ILDR2: variants seen among roughly 807,000 people sequenced by gnomAD.
The protein encoded by ILDR2 is immunoglobulin-like domain-containing receptor 2.
Under a neutral mutation model 66.8 loss-of-function variants are expected in ILDR2, and 25 were observed. The observed-to-expected ratio is 0.37, with a 90% confidence interval of 0.27 to 0.52. The LOEUF is 0.52. Ranked by LOEUF, ILDR2 falls within the 20% of genes least tolerant of loss-of-function variation. The probability of loss-of-function intolerance (pLI) is 0.88; values close to 1 mark genes in which losing one functional copy is unlikely to be tolerated. For synonymous variants in ILDR2, 367 were observed against 357.2 expected (o/e 1.03, Z -0.31); for missense variants, 827 against 876.8 (o/e 0.94, Z 0.72).
At chr1:166,968,370 C>A (rs938409600) in intron 1 of ILDR2, among the ~76,000 whole-genome samples, 2 of 152,110 alleles carry the variant, frequency 1.3e-5, no homozygotes, top group African/African-American at 4.8e-5. Context: ...CCTCTAGAAG[C>A]TTCTTCCTGT....
At chr1:166,958,400 G>T (rs531476986) in intron 1 of ILDR2, among the ~76,000 whole-genome samples, 2 of 152,072 alleles carry the variant, frequency 1.3e-5, no homozygotes, top group Non-Finnish European at 2.9e-5. Context: ...TAGGGAGTGA[G>T]TTCTCACGAG....
intron 6 of ILDR2, among the ~76,000 whole-genome samples, chr1:166,934,541 C>A (rs1660829608): frequency 6.6e-6 from 1 of 152,204 alleles, no homozygotes; most frequent in Non-Finnish European, 1.5e-5. Context: ...ATGGTGCCAC[C>A]TCTGCCCTCA....
At position 166,911,701 on chromosome 1, in the gene ILDR2, T is replaced by A. The variant is rs1219905321; in HGVS notation, c.*7654A>T. ...AAGTCACAAGACAACAGGGACTATG[T>A]AAATTTGAAAAAGAACTAAACTCCT... On this transcript the variant is annotated 3_prime_UTR_variant, in exon 10 of 10. Transcript: ENST00000271417. The A allele has an allele frequency of 7.3e-5, 11 of 149,672 alleles. No individual in the cohort carries two copies. Among genetic ancestry groups the A allele is most frequent in the African/African-American group, 2.7e-4 (11 of 40,964 alleles). 9.3% of individuals were successfully genotyped at this position (149,672 alleles called of 1,614,324 possible).
At chr1:166,920,673 C>T in intron 9 of ILDR2, 34 bp downstream of exon 9, 2 of 1,350,956 alleles carry the variant, frequency 1.5e-6, no homozygotes, top group Non-Finnish European at 1.9e-6. Context: ...CCCGCTCAGT[C>T]CCCTCGGAGG....
Position 166,957,930 on chromosome 1 carries a change from G to T in ILDR2, c.218C>A (p.Ser73Tyr). ...QDRMGESLGMSSTRAQSLSKR... is the reference protein window; with the variant it reads ...QDRMGESLGMYSTRAQSLSKR... ...GCTGAGAGATTGGGCCCGGGTAGAG[G>T]ACATGCCCAAGGATTCTCCCATGCG... is the stretch of plus-strand genomic sequence containing the variant. Residue 73 changes from serine to tyrosine, a missense_variant, in exon 2 of 10, where the codon TCC (serine) becomes TAC (tyrosine). Coordinates refer to ENST00000271417, the MANE Select transcript of ILDR2 (RefSeq NM_199351.3). 1.9e-6 allele frequency: 3 copies of T among 1,614,134 alleles called. No individual in the cohort carries two copies. The highest frequency in any genetic ancestry group is 2.5e-6 in the Non-Finnish European group (3 of 1,180,026).
chr1:166,900,096 C>G (rs1411375708), intron 2 of ILDR2, among the ~76,000 whole-genome samples: 1 of 152,184 alleles, frequency 6.6e-6, no homozygotes, highest in African/African-American at 2.4e-5. Context: ...GTTCCACACT[C>G]AGGTCAGCCT....
At chr1:166,937,946 A>G (rs1017621375) in intron 4 of ILDR2, among the ~76,000 whole-genome samples, 2 of 152,254 alleles carry the variant, frequency 1.3e-5, no homozygotes, top group East Asian at 3.8e-4. Flanking sequence ...TTATTAAATA[A>G]TGGGTTGTAT....
rs376627601 is a variant in ILDR2 at position 166,937,713 on chromosome 1, T to C, written c.557-976A>G. Among the ~76,000 whole-genome samples the C allele has an allele frequency of 1.5e-3, 236 of 152,322 alleles. 1 individual carries two copies. Among genetic ancestry groups the C allele is most frequent in the African/African-American group, 5.4e-3 (223 of 41,562 alleles). ...GTCTCAGCATCATACTTTAGAGACT[T>C]GGCTACAGGACCCAACTTCCCCTGG... On this transcript the variant is annotated intron_variant, in intron 4 of 9. Transcript: ENST00000271417.
At position 166,911,708 on chromosome 1, in the gene ILDR2, G is replaced by C. The variant is rs564099311; in HGVS notation, c.*7647C>G. 1 of 149,402 alleles carries C rather than the reference G, an allele frequency of 6.7e-6. No homozygotes were observed. Among genetic ancestry groups the C allele is most frequent in the South Asian group, 2.1e-4 (1 of 4,768 alleles). The allele number at this position is 149,402 out of a possible 1,614,324, so 9.3% of individuals were successfully genotyped here. A position where few individuals can be genotyped will look rare whatever the true frequency, so the allele number is the denominator to read the frequency against. On this transcript the variant is annotated 3_prime_UTR_variant, in exon 10 of 10. Transcript: ENST00000271417. The stretch of plus-strand genomic sequence containing the variant: ...AAGACAACAGGGACTATGTAAATTT[G>C]AAAAAGAACTAAACTCCTAGAAATG...
At chr1:166,902,293 A>C (rs1659278633) in intron 2 of ILDR2, among the ~76,000 whole-genome samples, 1 of 152,270 alleles carries the variant, frequency 6.6e-6, no homozygotes, top group Non-Finnish European at 1.5e-5. Flanking sequence ...GCTAAAGTGC[A>C]TAACATAAAC....
intron 1 of ILDR2, among the ~76,000 whole-genome samples, chr1:166,962,942 C>T (rs1662708747): frequency 6.6e-6 from 1 of 152,194 alleles, no homozygotes; most frequent in Non-Finnish European, 1.5e-5. Context: ...CTCACACCCC[C>T]AACTCCCTTA....
At chr1:166,948,771 G>A (rs1198821143) in intron 3 of ILDR2, among the ~76,000 whole-genome samples, 3 of 152,218 alleles carry the variant, frequency 2.0e-5, no homozygotes, top group Non-Finnish European at 4.4e-5. Flanking sequence ...TTTAGCAGGA[G>A]TCTCCAAATG....
In ILDR2 at chr1:166,935,407, G is replaced by A. The variant is rs994994123; in HGVS notation, c.774C>T (p.Ser258=). 1 of 1,613,840 alleles carries A rather than the reference G, an allele frequency of 6.2e-7. No homozygotes were observed. The highest frequency in any genetic ancestry group is 1.3e-5 in the African/African-American group (1 of 74,896). ...PSVSGVPGPY[S]IPSVPLGGAP... Reference sequence around the variant, plus strand: ...CTCCTCCCAAAGGGACAGAGGGGATGGAGTAAGGGCCGGGGACACCGGAGA... The same window carrying A: ...CTCCTCCCAAAGGGACAGAGGGGATAGAGTAAGGGCCGGGGACACCGGAGA... Residue 258 remains serine, a synonymous_variant, in exon 6 of 10, where the codon TCC becomes TCT. Transcript: ENST00000271417.
rs764034488 is a variant in ILDR2, at chr1:166,920,967, C to A, written c.1624G>T (p.Ala542Ser). 6.7e-7 allele frequency: 1 copy of A among 1,482,784 alleles called. No individual in the cohort carries two copies. Among genetic ancestry groups the A allele is most frequent in the Admixed American group, 2.4e-5 (1 of 40,860 alleles). 91.9% of individuals were successfully genotyped at this position (1,482,784 alleles called of 1,614,324 possible). The change falls in exon 9 of 10, where the codon GCC becomes TCC. Residue 542 changes from alanine to serine, a missense_variant. Ala to Ser is a moderately conservative substitution (Grantham distance 99, BLOSUM62 1). This residue lies in a region of ILDR2 where 390 missense variants were observed against 353.6 expected (regional missense o/e 1.10). Coordinates refer to ENST00000271417, the MANE Select transcript of ILDR2 (RefSeq NM_199351.3). The stretch of plus-strand genomic sequence containing the variant: ...GTCTCCAGGCTGCCACCGCGGCTGG[C>A]GCCCTCGGGCCGCGCCTGGCGCTCC... ...ARERQARPEG[A>S]SRGGSLETPS...
chr1:166,922,615 CCT>C lies in ILDR2; in HGVS notation c.1187_1188del (p.Glu396GlyfsTer39), dbSNP rs1358155678. On this transcript the variant is annotated frameshift_variant, in exon 8 of 10. Coordinates refer to ENST00000271417, the MANE Select transcript of ILDR2 (RefSeq NM_199351.3). LOFTEE classifies it high-confidence loss of function. ...CACCTGTGCCTGAAGCTCTCTCGAT[CCT>C]CTTTGTTATACTCCATGGCTGAGGG... ...RGPSAMEYNK[E>X]DRESFRHSQP... 6.2e-7 allele frequency: 1 copy of C among 1,614,102 alleles called. No homozygotes were observed. The highest frequency in any genetic ancestry group is 1.1e-5 in the South Asian group (1 of 91,072).
At chr1:166,903,018 T>C (rs1319708885) in intron 2 of ILDR2, among the ~76,000 whole-genome samples, 1 of 152,224 alleles carries the variant, frequency 6.6e-6, no homozygotes, top group Non-Finnish European at 1.5e-5. Flanking sequence ...CATCGTCTTA[T>C]TCCATTGTCC....
chr1:166,962,332 C>T (rs1392635780), intron 1 of ILDR2, among the ~76,000 whole-genome samples: 2 of 152,140 alleles, frequency 1.3e-5, no homozygotes, highest in Non-Finnish European at 2.9e-5. Flanking sequence ...GTTTTTCCAC[C>T]TTGGTATCCT....
At position 166,957,035 on chromosome 1, in the gene ILDR2, A is replaced by G. The variant is rs560151958; in HGVS notation, c.380-183T>C. Reference sequence around the variant, plus strand: ...ACAAACAAACAAGACCAACAGAACCATAACAGAAACTAGCATCTCTAAGGA... The same window carrying G: ...ACAAACAAACAAGACCAACAGAACCGTAACAGAAACTAGCATCTCTAAGGA... On this transcript the variant is annotated intron_variant, in intron 2 of 9. Transcript: ENST00000271417. 2.2e-3 allele frequency among the ~76,000 whole-genome samples: 340 copies of G among 152,374 alleles called. 1 individual carries two copies. The highest frequency in any genetic ancestry group is 4.1e-3 in the Non-Finnish European group (281 of 68,036).
At chr1:166,965,020 T>G (rs1662848264) in intron 1 of ILDR2, among the ~76,000 whole-genome samples, 1 of 152,162 alleles carries the variant, frequency 6.6e-6, no homozygotes, top group African/African-American at 2.4e-5. Flanking sequence ...TCATGGAAAA[T>G]TATCATCATT....
Sources: allele counts gnomAD v4.1 joint callset (sites outside exome capture counted in the v4.1 genomes callset), GRCh38; gene constraint gnomAD v4.1.1; regional missense constraint gnomAD v4.1.1; transcripts MANE v1.5; gene names NCBI Gene and HGNC (gene_info 2026-07-23, HGNC 2026-07-21).